Variants in TAX1BP1 observed in about 807,000 individuals in gnomAD.
The protein encoded by TAX1BP1 is Tax1 binding protein 1, also known as tax1-binding protein 1.
In TAX1BP1, 62 loss-of-function variants were observed where a neutral mutation model predicts 97.7. The observed-to-expected ratio is 0.63, with a 90% CI of 0.52 to 0.78. The LOEUF is 0.78. Among genes scored for constraint, TAX1BP1 ranks in the 30% least tolerant of loss-of-function variants. The probability of loss-of-function intolerance (pLI) is 0.00; values close to 1 mark genes in which losing one functional copy is unlikely to be tolerated. For missense variants in TAX1BP1, 867 were observed against 916.1 expected (o/e 0.95, Z 0.69); for synonymous variants, 340 against 304.2 (o/e 1.12, Z -1.23).
chr7:27,824,429 C>T (rs971439383), intron 15 of TAX1BP1, among the ~76,000 whole-genome samples: 3 of 151,030 alleles, frequency 2.0e-5, no homozygotes, highest in Non-Finnish European at 4.4e-5. Context: ...TGGTACACGC[C>T]GGTAGTCCTA....
intron 7 of TAX1BP1, among the ~76,000 whole-genome samples, chr7:27,787,057 C>T (rs187756765): frequency 2.8e-4 from 42 of 152,292 alleles, no homozygotes; most frequent in Admixed American, 2.4e-3. Context: ...AGAGTCTTGT[C>T]GTGCCAGATT....
chr7:27,745,762 T>C (rs1787792521), intron 1 of TAX1BP1, among the ~76,000 whole-genome samples: 1 of 152,084 alleles, frequency 6.6e-6, no homozygotes, highest in African/African-American at 2.4e-5. Context: ...TTCTTGTTAA[T>C]AGGGCTATTT....
At chr7:27,823,472 G>A (rs568991497) in intron 15 of TAX1BP1, among the ~76,000 whole-genome samples, 161 of 152,196 alleles carry the variant, frequency 1.1e-3, no homozygotes, top group African/African-American at 3.7e-3. Context: ...ATTTCAATTA[G>A]TAGTTCCTAG....
At chr7:27,790,779 C>A (rs1423394049) in intron 8 of TAX1BP1, among the ~76,000 whole-genome samples, 2 of 151,998 alleles carry the variant, frequency 1.3e-5, no homozygotes, top group Non-Finnish European at 2.9e-5. Context: ...AGAAAAGATG[C>A]CAGTTACAGT....
chr7:27,785,329 A>T lies in TAX1BP1; in HGVS notation c.761+18A>T, dbSNP rs535302297. Reference sequence around the variant, plus strand: ...TTAGACAGGTATTTCTCATGCTTTTAAAAAATAAATTCAATAAAAATTTTA... The same window carrying T: ...TTAGACAGGTATTTCTCATGCTTTTTAAAAATAAATTCAATAAAAATTTTA... On this transcript the variant is annotated intron_variant, in intron 6 of 16. Transcript: ENST00000396319. 3.1e-6 allele frequency: 5 copies of T among 1,591,424 alleles called. 1 individual carries two copies. The South Asian group carries it at 5.8e-5, about 19-fold the overall frequency.
chr7:27,781,070 C>A (rs1020710479), intron 5 of TAX1BP1, among the ~76,000 whole-genome samples: 2 of 152,088 alleles, frequency 1.3e-5, no homozygotes, highest in African/African-American at 2.4e-5. Flanking sequence ...GGAATAAATT[C>A]ATATTCAGGA....
chr7:27,764,007 T>C (rs1788528712), intron 3 of TAX1BP1, among the ~76,000 whole-genome samples: 1 of 152,196 alleles, frequency 6.6e-6, no homozygotes, highest in African/African-American at 2.4e-5. Flanking sequence ...TATTTAAACT[T>C]TGTATTTTGA....
Position 27,795,346 on chromosome 7 carries a change from G to T in TAX1BP1, c.1535-770G>T, listed in dbSNP as rs188801529. Among the ~76,000 whole-genome samples, 73 of 152,066 alleles carry T rather than the reference G, an allele frequency of 4.8e-4. No individual in the cohort carries two copies. In the East Asian group the frequency reaches 9.9e-3, roughly 21 times the overall value. On this transcript the variant is annotated intron_variant, in intron 11 of 16. Transcript: ENST00000396319. The stretch of plus-strand genomic sequence containing the variant: ...TTCTTGGTGGGGTATGGTGGCATGC[G>T]CTTGTACTCCTAGCTACTCTGGAAG...
chr7:27,776,238 A>G (rs2128313871), intron 5 of TAX1BP1, among the ~76,000 whole-genome samples: 1 of 152,306 alleles, frequency 6.6e-6, no homozygotes, highest in Non-Finnish European at 1.5e-5. Flanking sequence ...ATTCTTATAA[A>G]GAACCAACCT....
chr7:27,811,758 C>T (rs1466643442), intron 13 of TAX1BP1, among the ~76,000 whole-genome samples: 1 of 152,100 alleles, frequency 6.6e-6, no homozygotes, highest in African/African-American at 2.4e-5. Context: ...CATTTGCATT[C>T]GTCCCCTCCT....
intron 13 of TAX1BP1, among the ~76,000 whole-genome samples, chr7:27,809,481 T>C (rs1790470431): frequency 6.6e-6 from 1 of 152,244 alleles, no homozygotes; most frequent in African/African-American, 2.4e-5. Flanking sequence ...CATGGACCCC[T>C]TGAGGGGCTT....
intron 5 of TAX1BP1, among the ~76,000 whole-genome samples, chr7:27,780,177 G>T (rs1323243851): frequency 6.6e-6 from 1 of 152,134 alleles, no homozygotes; most frequent in Non-Finnish European, 1.5e-5. Context: ...GTTATCTTTG[G>T]AGAGTATCTT....
At chr7:27,810,413 A>G (rs562216200) in intron 13 of TAX1BP1, among the ~76,000 whole-genome samples, 1 of 152,224 alleles carries the variant, frequency 6.6e-6, no homozygotes, top group East Asian at 1.9e-4. Flanking sequence ...TAGAAAAGGT[A>G]AATTCTTTAG....
rs189562244 is a variant in TAX1BP1, at chr7:27,809,280, G to A, written c.1765-7069G>A. Among the ~76,000 whole-genome samples the A allele has an allele frequency of 2.2e-4, 33 of 152,322 alleles. 1 individual carries two copies. The highest frequency in any genetic ancestry group is 7.2e-4 in the Admixed American group (11 of 15,292). On this transcript the variant is annotated intron_variant, in intron 13 of 16. Coordinates refer to ENST00000396319, the MANE Select transcript of TAX1BP1 (RefSeq NM_006024.7). ...TGAATATAAAGGCTATTTTGAGATG[G>A]CTACAACAAATGTAATATGAAACAA... is the stretch of plus-strand genomic sequence containing the variant.
intron 1 of TAX1BP1, among the ~76,000 whole-genome samples, chr7:27,744,200 C>G (rs1787730946): frequency 6.6e-6 from 1 of 152,222 alleles, no homozygotes; most frequent in Admixed American, 6.5e-5. Flanking sequence ...TCTCAGCTCA[C>G]TGCAGGCTCC....
chr7:27,743,539 A>G (rs1407859191), intron 1 of TAX1BP1, among the ~76,000 whole-genome samples: 1 of 152,220 alleles, frequency 6.6e-6, no homozygotes, highest in African/African-American at 2.4e-5. Context: ...TTTCTGCTAC[A>G]GTGGGTCATA....
Position 27,769,692 on chromosome 7 carries a change from C to T in TAX1BP1, c.470C>T (p.Thr157Ile). Residue 157 changes from threonine to isoleucine, a missense_variant, in exon 5 of 17, where the codon ACC becomes ATC. Coordinates refer to ENST00000396319, the MANE Select transcript of TAX1BP1 (RefSeq NM_006024.7). ...AGLLELKIEK[T>I]MKEKEELLKL... ...GCTTTATAGTTGAAAATTGAGAAAA[C>T]CATGAAAGAAAAAGAAGAACTGTTA... 6.2e-7 allele frequency: 1 copy of T among 1,604,810 alleles called. No homozygotes were observed. The highest frequency in any genetic ancestry group is 8.5e-7 in the Non-Finnish European group (1 of 1,176,632).
At chr7:27,778,982 TAAC>T (rs1789140226) in intron 5 of TAX1BP1, among the ~76,000 whole-genome samples, 1 of 152,096 alleles carries the variant, frequency 6.6e-6, no homozygotes, top group Admixed American at 6.6e-5. Flanking sequence ...TTGAGTCCAT[TAAC>T]AGTCACTCCT....
chr7:27,822,251 C>T (rs1431431025), intron 15 of TAX1BP1, among the ~76,000 whole-genome samples: 1 of 152,172 alleles, frequency 6.6e-6, no homozygotes, highest in Non-Finnish European at 1.5e-5. Context: ...TTTGTTTACC[C>T]ATTCATGTGT....
Sources: allele counts gnomAD v4.1 joint callset (sites outside exome capture counted in the v4.1 genomes callset), GRCh38; gene constraint gnomAD v4.1.1; transcripts MANE v1.5; gene names NCBI Gene and HGNC (gene_info 2026-07-23, HGNC 2026-07-21).